The following CBLB variants were observed in gnomAD, a reference collection of about 807,000 sequenced individuals.
CBLB encodes the protein Cbl proto-oncogene B, also known as E3 ubiquitin-protein ligase CBL-B.
CBLB carries 31 observed loss-of-function variants against 104.9 expected under a neutral mutation model. The ratio of observed to expected loss-of-function variants is 0.30; its 90% CI spans 0.22 to 0.40. CBLB has a LOEUF of 0.40. Ranked by LOEUF, CBLB falls within the 10% of genes least tolerant of loss-of-function variation. The pLI, the probability that CBLB is intolerant of heterozygous loss-of-function variation, is 1.00. For missense variants in CBLB, 1,062 were observed against 1,214.6 expected (o/e 0.87, Z 1.87); for synonymous variants, 440 against 422.6 (o/e 1.04, Z -0.51).
chr3:105,701,028 C>T (rs186444280), intron 12 of CBLB, among the ~76,000 whole-genome samples: 1 of 152,280 alleles, frequency 6.6e-6, no homozygotes, highest in East Asian at 1.9e-4. Flanking sequence ...GAGCCAAGGC[C>T]TCCATCAGCA....
rs1254124438 is a variant in CBLB at position 105,707,853 on chromosome 3, C to A, written c.1408-3680G>T. On this transcript the variant is annotated intron_variant, in intron 10 of 18. Coordinates refer to ENST00000394030, the MANE Select transcript of CBLB (RefSeq NM_170662.5). ...AAAAAGTCTGCTCTTTTTTATCCTT[C>A]TGAAAATAAAAAAAAACAAAGTACA... 2.0e-5 allele frequency among the ~76,000 whole-genome samples: 3 copies of A among 150,370 alleles called. No individual in the cohort carries two copies. The East Asian group carries it at 5.9e-4, about 30-fold the overall frequency.
At chr3:105,833,745 T>C (rs1392536375) in intron 3 of CBLB, among the ~76,000 whole-genome samples, 1 of 151,954 alleles carries the variant, frequency 6.6e-6, no homozygotes, top group Non-Finnish European at 1.5e-5. Context: ...TTAACATCAA[T>C]AATAATCTAG....
At chr3:105,814,995 C>G (rs1577440828) in intron 3 of CBLB, among the ~76,000 whole-genome samples, 2 of 148,090 alleles carry the variant, frequency 1.4e-5, no homozygotes, top group East Asian at 4.0e-4. Flanking sequence ...TCCTTAGCCA[C>G]TAATATCCCA....
rs577921703 is a variant in CBLB at position 105,845,749 on chromosome 3, T to C, written c.419+7665A>G. ...TTAACTTTGAAAACATTTGTCTAAA[T>C]AACTTTCTTGTGGCCTCTACTTTCA... On this transcript the variant is annotated intron_variant, in intron 3 of 18. Coordinates refer to ENST00000394030, the MANE Select transcript of CBLB (RefSeq NM_170662.5). Among the ~76,000 whole-genome samples, 4 of 152,250 alleles carry C rather than the reference T, an allele frequency of 2.6e-5. No individual in the cohort carries two copies. In the South Asian group the frequency reaches 8.3e-4, roughly 32 times the overall value.
At position 105,867,526 on chromosome 3, in the gene CBLB, G is replaced by T. The variant is rs1299980191; in HGVS notation, c.52C>A (p.Arg18=). Residue 18 remains arginine (R), a synonymous_variant, in exon 2 of 19, where the codon CGA becomes AGA. Transcript: ENST00000394030. ...ATAATACCCAAAATTCGACCTTTTC[G>T]GGGATTTCCTCCTCGACCACCAGGG... The part of the protein sequence containing the change: ...RNPGGRGGNP[R]KGRILGIIDA... The T allele has an allele frequency of 2.5e-6, 4 of 1,614,018 alleles. No individual in the cohort carries two copies.
At position 105,703,910 on chromosome 3, in the gene CBLB, A is replaced by G. The variant is rs2069650155; in HGVS notation, c.1593+78T>C. ...AATTAAAAGCAAAAAAATATGAGTAATGGAATTTAAAAGAATCTGAGCAAT... is the reference window on the plus strand; with the variant it reads ...AATTAAAAGCAAAAAAATATGAGTAGTGGAATTTAAAAGAATCTGAGCAAT... On this transcript the variant is annotated intron_variant, in intron 11 of 18. Coordinates refer to ENST00000394030, the MANE Select transcript of CBLB (RefSeq NM_170662.5). 4 of 1,355,874 alleles carry G rather than the reference A, an allele frequency of 3.0e-6. No homozygotes were observed. In the Admixed American group the frequency reaches 7.2e-5, roughly 24 times the overall value. 84.0% of individuals were successfully genotyped at this position (1,355,874 alleles called of 1,614,324 possible).
chr3:105,692,876 A>G (rs531712772), intron 13 of CBLB, among the ~76,000 whole-genome samples: 5 of 149,502 alleles, frequency 3.3e-5, no homozygotes, highest in Non-Finnish European at 5.9e-5. Flanking sequence ...AATGAGAGAT[A>G]TCTAGTGTGC....
intron 12 of CBLB, among the ~76,000 whole-genome samples, chr3:105,699,589 T>A (rs2068815591): frequency 6.6e-6 from 1 of 152,150 alleles, no homozygotes. Context: ...CCTAAGTGAT[T>A]ATGTCAGTTG....
At chr3:105,670,108 G>A in intron 18 of CBLB, 125 bp downstream of exon 18, 1 of 862,404 alleles carries the variant, frequency 1.2e-6, no homozygotes, top group Non-Finnish European at 1.8e-6. Flanking sequence ...ATGCAATGAT[G>A]ATCAAAATAC....
At chr3:105,796,629 T>C (rs906363977) in intron 3 of CBLB, among the ~76,000 whole-genome samples, 1 of 152,086 alleles carries the variant, frequency 6.6e-6, no homozygotes, top group Non-Finnish European at 1.5e-5. Context: ...CAAAAGAAAC[T>C]ATCAACAGAG....
At position 105,740,650 on chromosome 3, in the gene CBLB, T is replaced by C. The variant is rs771494601; in HGVS notation, c.846-19A>G. On this transcript the variant is annotated intron_variant, in intron 6 of 18. Transcript: ENST00000394030. ...AATATAGCTGCAAAACATAAGAAAA[T>C]TACATCTAATTACATTCAGAATATA... 1.3e-6 allele frequency: 2 copies of C among 1,595,286 alleles called. No homozygotes were observed. The highest frequency in any genetic ancestry group is 2.7e-5 in the African/African-American group (2 of 74,426).
intron 17 of CBLB, chr3:105,672,122 G>C (rs1166301980): frequency 2.6e-5 from 5 of 192,972 alleles, no homozygotes; most frequent in Admixed American, 1.8e-4. Flanking sequence ...ACATACACTT[G>C]CTTATTTCTT....
At chr3:105,683,562 A>G (rs181258879) in intron 14 of CBLB, among the ~76,000 whole-genome samples, 1 of 152,332 alleles carries the variant, frequency 6.6e-6, no homozygotes, top group East Asian at 1.9e-4. Context: ...CAGCAATGAA[A>G]AAAAATAAGA....
At chr3:105,691,151 C>T (rs2067641093) in intron 13 of CBLB, among the ~76,000 whole-genome samples, 1 of 152,204 alleles carries the variant, frequency 6.6e-6, no homozygotes, top group Non-Finnish European at 1.5e-5. Flanking sequence ...ATATTGTCTA[C>T]AGTGAACAAC....
intron 17 of CBLB, chr3:105,673,361 C>T (rs1356794543): frequency 2.6e-5 from 4 of 152,152 alleles, no homozygotes; most frequent in South Asian, 2.1e-4. Flanking sequence ...GAGCCTGTAC[C>T]TGGCCTGGAA....
intron 3 of CBLB, among the ~76,000 whole-genome samples, chr3:105,831,304 G>A (rs1366108360): frequency 6.6e-6 from 1 of 152,108 alleles, no homozygotes; most frequent in Non-Finnish European, 1.5e-5. Context: ...ATCTTTTCCT[G>A]CCTGTATCTC....
intron 8 of CBLB, among the ~76,000 whole-genome samples, chr3:105,736,967 G>A (rs1343966393): frequency 6.6e-6 from 1 of 151,906 alleles, no homozygotes; most frequent in Non-Finnish European, 1.5e-5. Context: ...ATACTATATG[G>A]AAAGCAAGAA....
intron 4 of CBLB, among the ~76,000 whole-genome samples, chr3:105,766,242 GC>G (rs1409048672): frequency 1.3e-5 from 2 of 152,018 alleles, no homozygotes; most frequent in Non-Finnish European, 2.9e-5. Flanking sequence ...TTATAGAAAA[GC>G]AAAAAAGTGC....
intron 10 of CBLB, among the ~76,000 whole-genome samples, chr3:105,715,561 T>TTAAAGAATG (rs1260625632): frequency 5.3e-5 from 8 of 152,088 alleles, no homozygotes; most frequent in Non-Finnish European, 1.2e-4. Flanking sequence ...CATTACTCAT[T>TTAAAGAATG]TAAAGAATGT....
Sources: allele counts gnomAD v4.1 joint callset (sites outside exome capture counted in the v4.1 genomes callset), GRCh38; gene constraint gnomAD v4.1.1; transcripts MANE v1.5; gene names NCBI Gene and HGNC (gene_info 2026-07-23, HGNC 2026-07-21).